Variants in PPFIA2 observed in about 807,000 individuals in gnomAD.
The protein encoded by PPFIA2 is liprin-alpha-2.
PPFIA2 carries 46 observed loss-of-function variants against 175.5 expected under a neutral mutation model. The observed-to-expected ratio is 0.26, with a 90% CI of 0.21 to 0.34. The LOEUF is 0.34. Among genes scored for constraint, PPFIA2 ranks in the 10% least tolerant of loss-of-function variants. The probability of loss-of-function intolerance (pLI) is 1.00; values close to 1 mark genes in which losing one functional copy is unlikely to be tolerated. For synonymous variants in PPFIA2, 568 were observed against 511.4 expected, an observed-to-expected ratio of 1.11 and a Z score of -1.49; for missense variants, 1,179 against 1,506.1, an observed-to-expected ratio of 0.78 and a Z score of 3.60.
intron 8 of PPFIA2, among the ~76,000 whole-genome samples, chr12:81,393,422 A>C (rs1245691574): frequency 6.6e-6 from 1 of 152,084 alleles, no homozygotes; most frequent in Admixed American, 6.6e-5. Context: ...TTCCTGGATG[A>C]ATTACCAAGT....
At chr12:81,566,728 G>C (rs2071406632) in intron 4 of PPFIA2, among the ~76,000 whole-genome samples, 1 of 152,038 alleles carries the variant, frequency 6.6e-6, no homozygotes, top group Admixed American at 6.6e-5. Flanking sequence ...ATGGATTCCT[G>C]TAAGATTTCA....
intron 24 of PPFIA2, among the ~76,000 whole-genome samples, chr12:81,287,676 C>T (rs1203644415): frequency 6.6e-6 from 1 of 151,864 alleles, no homozygotes; most frequent in Admixed American, 6.6e-5. Context: ...ATTATTCAAT[C>T]AGATTGCTCT....
intron 4 of PPFIA2, among the ~76,000 whole-genome samples, chr12:81,561,711 G>A (rs141635285): frequency 4.6e-5 from 7 of 152,238 alleles, no homozygotes; most frequent in South Asian, 2.1e-4. Flanking sequence ...AGTAACAGAC[G>A]CAAGCTGCCA....
chr12:81,526,439 G>A (rs2063742208), intron 4 of PPFIA2, among the ~76,000 whole-genome samples: 1 of 152,170 alleles, frequency 6.6e-6, no homozygotes, highest in South Asian at 2.1e-4. Flanking sequence ...CACCATTGCT[G>A]AATCCTGCCT....
intron 3 of PPFIA2, among the ~76,000 whole-genome samples, chr12:81,749,785 T>A (rs1444903237): frequency 6.9e-6 from 1 of 144,398 alleles, no homozygotes; most frequent in Non-Finnish European, 1.6e-5. Flanking sequence ...TTAAACACTT[T>A]TTGTAGCATG....
intron 4 of PPFIA2, among the ~76,000 whole-genome samples, chr12:81,556,381 A>G (rs2068863186): frequency 1.3e-5 from 2 of 151,964 alleles, no homozygotes; most frequent in Non-Finnish European, 2.9e-5. Flanking sequence ...ATTTTAAACT[A>G]CATACATGTC....
At chr12:81,387,308 A>G (rs898929459) in intron 8 of PPFIA2, among the ~76,000 whole-genome samples, 4 of 152,120 alleles carry the variant, frequency 2.6e-5, no homozygotes, top group African/African-American at 9.7e-5. Context: ...CATAAACTTC[A>G]TTACCCCCTT....
At chr12:81,343,000 T>C (rs974563043) in intron 19 of PPFIA2, among the ~76,000 whole-genome samples, 2 of 151,758 alleles carry the variant, frequency 1.3e-5, no homozygotes, top group African/African-American at 2.4e-5. Context: ...AAAACTTTCC[T>C]CTGAATATCA....
intron 4 of PPFIA2, among the ~76,000 whole-genome samples, chr12:81,643,358 C>A (rs1262439592): frequency 6.6e-6 from 1 of 151,912 alleles, no homozygotes; most frequent in Non-Finnish European, 1.5e-5. Context: ...CCTATAATTT[C>A]TATTAATTAT....
chr12:81,326,397 G>T (rs2054765352), intron 21 of PPFIA2, among the ~76,000 whole-genome samples: 1 of 152,130 alleles, frequency 6.6e-6, no homozygotes, highest in South Asian at 2.1e-4. Flanking sequence ...CTGGAAATTT[G>T]TTCTGCTCTA....
intron 7 of PPFIA2, among the ~76,000 whole-genome samples, chr12:81,438,731 T>C (rs1592991690): frequency 6.6e-6 from 1 of 152,206 alleles, no homozygotes; most frequent in Non-Finnish European, 1.5e-5. Context: ...GATAATTTGA[T>C]ACATTCATAT....
chr12:81,363,637 C>T (rs1234238839), intron 14 of PPFIA2, among the ~76,000 whole-genome samples: 2 of 151,626 alleles, frequency 1.3e-5, no homozygotes, highest in Non-Finnish European at 3.0e-5. Context: ...CTTTTCTCAC[C>T]ACATTTTTTT....
At position 81,405,885 on chromosome 12, in the gene PPFIA2, G is replaced by T; in HGVS notation, c.664C>A (p.Gln222Lys). Residue 222 changes from glutamine (Q) to lysine (K), a missense_variant, in exon 8 of 33, where the codon CAA becomes AAA. Gln to Lys is a moderately conservative substitution (Grantham distance 53, BLOSUM62 1). Transcript: ENST00000549396. ...ATTTTTCTTTGTATATGAACATTTT[G>T]TTCACGCAAGGCAACAATCTGCAAA... The part of the protein sequence containing the change: ...ANQEIVALRE[Q>K]NVHIQRKMAS... The T allele has an allele frequency of 6.4e-7, 1 of 1,565,844 alleles. No homozygotes were observed. The highest frequency in any genetic ancestry group is 1.9e-5 in the Admixed American group (1 of 52,780).
At chr12:81,446,721 T>C (rs971827960) in intron 5 of PPFIA2, among the ~76,000 whole-genome samples, 3 of 152,138 alleles carry the variant, frequency 2.0e-5, no homozygotes, top group Non-Finnish European at 4.4e-5. Context: ...TAAAAACAGA[T>C]ATAAGACACT....
In PPFIA2 at chr12:81,631,867, T is replaced by C. The variant is rs76473561; in HGVS notation, c.303+44924A>G. Among the ~76,000 whole-genome samples, 30 of 152,324 alleles carry C rather than the reference T, an allele frequency of 2.0e-4. No individual in the cohort carries two copies. The East Asian group carries it at 5.6e-3, about 28-fold the overall frequency. On this transcript the variant is annotated intron_variant, in intron 4 of 32. Transcript: ENST00000549396. Reference sequence around the variant, plus strand: ...GTTAGTAATGTGTGATGTAGTGGCATGACATAATGCCTTTAGTGACTTGGC... The same window carrying C: ...GTTAGTAATGTGTGATGTAGTGGCACGACATAATGCCTTTAGTGACTTGGC...
chr12:81,276,453 C>G (rs1053601137), intron 28 of PPFIA2, among the ~76,000 whole-genome samples: 4 of 152,090 alleles, frequency 2.6e-5, no homozygotes, highest in African/African-American at 9.7e-5. Flanking sequence ...TTTTTCCAAT[C>G]ATGTATTTTT....
intron 30 of PPFIA2, among the ~76,000 whole-genome samples, chr12:81,264,778 T>C (rs1206215332): frequency 6.6e-6 from 1 of 152,218 alleles, no homozygotes; most frequent in Non-Finnish European, 1.5e-5. Context: ...TTAAGAGATG[T>C]CCGCTACTCT....
chr12:81,442,897 A>C (rs1299933172), intron 6 of PPFIA2, among the ~76,000 whole-genome samples: 1 of 104,978 alleles, frequency 9.5e-6, no homozygotes, highest in African/African-American at 3.7e-5. Context: ...ATATATATAT[A>C]TAGTATTACT....
rs944836907 is a variant in PPFIA2 at position 81,721,954 on chromosome 12, A to T, written c.249+32019T>A. On this transcript the variant is annotated intron_variant, in intron 3 of 32. Coordinates refer to ENST00000549396, the MANE Select transcript of PPFIA2 (RefSeq NM_003625.5). Reference sequence around the variant, plus strand: ...TAAGCACATAATAGATATTACTATTATTATTATTTAAAACAATGTGCTGTA... The same window carrying T: ...TAAGCACATAATAGATATTACTATTTTTATTATTTAAAACAATGTGCTGTA... Among the ~76,000 whole-genome samples the T allele has an allele frequency of 3.3e-5, 5 of 151,140 alleles. No homozygotes were observed. The Admixed American group carries it at 3.3e-4, about 10-fold the overall frequency.
Sources: gnomAD v4.1 joint callset for allele counts (sites outside exome capture counted in the v4.1 genomes callset) on GRCh38, gnomAD v4.1.1 for gene constraint, MANE v1.5 for transcripts, NCBI Gene and HGNC (gene_info 2026-07-23, HGNC 2026-07-21) for gene names.